The following SETX variants were observed in gnomAD, a reference collection of about 807,000 sequenced individuals.
SETX encodes the protein senataxin.
A neutral mutation model predicts 227.2 loss-of-function variants in SETX; 90 were observed. The observed-to-expected ratio is 0.40, with a 90% confidence interval of 0.33 to 0.47. The LOEUF (loss-of-function observed/expected upper bound fraction) is 0.47, where lower values mean the gene tolerates loss of function less well. Ranked by LOEUF, SETX falls within the 20% of genes least tolerant of loss-of-function variation. The probability of loss-of-function intolerance (pLI) is 0.91; values close to 1 mark genes in which losing one functional copy is unlikely to be tolerated. For missense variants in SETX, 3,052 were observed against 3,181.5 expected (o/e 0.96, Z 0.98); for synonymous variants, 1,210 against 1,113.2 (o/e 1.09, Z -1.73).
At chr9:132,355,345 TTTC>T (rs147942675), upstream of SETX, among the ~76,000 whole-genome samples, 9,205 of 152,214 alleles carry the variant, frequency 0.06, 387 homozygotes, top group East Asian at 0.25. Flanking sequence ...TTCCCTCTTT[TTTC>T]TTCTTTTTTC....
chr9:132,349,650 T>C (rs1848502405), intron 2 of SETX, among the ~76,000 whole-genome samples: 1 of 152,138 alleles, frequency 6.6e-6, no homozygotes, highest in African/African-American at 2.4e-5. Context: ...AATAAAAGCA[T>C]TGTATAAGGA....
chr9:132,281,421 A>G, intron 20 of SETX, 46 bp downstream of exon 20: 1 of 1,449,804 alleles, frequency 6.9e-7, no homozygotes, highest in Non-Finnish European at 9.7e-7. Flanking sequence ...CAAAAATTTT[A>G]AAAAGCCCCT....
chr9:132,320,593 C>CAAAAA (rs141457619), intron 10 of SETX, among the ~76,000 whole-genome samples: 26 of 61,030 alleles, frequency 4.3e-4, no homozygotes, highest in Middle Eastern at 0.013. Flanking sequence ...GACTCCAACT[C>CAAAAA]AAAAAAAAAA....
chr9:132,343,801 T>C (rs1342959429), intron 4 of SETX, among the ~76,000 whole-genome samples: 3 of 152,236 alleles, frequency 2.0e-5, no homozygotes, highest in Non-Finnish European at 4.4e-5. Context: ...ACGGATAGAT[T>C]ATTCTTTAAT....
At chr9:132,284,885 T>C (rs1843752163) in intron 18 of SETX, among the ~76,000 whole-genome samples, 1 of 145,222 alleles carries the variant, frequency 6.9e-6, no homozygotes, top group East Asian at 2.0e-4. Context: ...TTTTTTGTTG[T>C]TTTTTTTTTT....
intron 11 of SETX, among the ~76,000 whole-genome samples, chr9:132,305,861 T>C (rs769483922): frequency 1.3e-5 from 2 of 152,166 alleles, no homozygotes; most frequent in Admixed American, 1.3e-4. Context: ...TGGTATAATA[T>C]GAATAAGGTC....
intron 16 of SETX, 65 bp downstream of exon 16, chr9:132,288,485 G>A (rs2131247313): frequency 6.9e-7 from 1 of 1,459,036 alleles, no homozygotes; most frequent in South Asian, 1.2e-5. Flanking sequence ...TACCTTTAGT[G>A]CCCAAGTCAT....
intron 23 of SETX, among the ~76,000 whole-genome samples, chr9:132,272,173 T>G (rs1222538985): frequency 6.6e-6 from 1 of 151,998 alleles, no homozygotes; most frequent in African/African-American, 2.4e-5. Context: ...TCCGGCTTAG[T>G]TTTTTGGTTT....
intron 25 of SETX, 52 bp from the exon 26 acceptor site, chr9:132,265,037 G>A: frequency 6.3e-7 from 1 of 1,598,788 alleles, no homozygotes; most frequent in Non-Finnish European, 8.5e-7. Flanking sequence ...GACACTGCTT[G>A]GGAAGCATAG....
rs1456152621 is a variant in SETX at position 132,327,273 on chromosome 9, C to T, written c.4325G>A (p.Cys1442Tyr). 1.2e-6 allele frequency: 2 copies of T among 1,614,202 alleles called. No individual in the cohort carries two copies. The highest frequency in any genetic ancestry group is 1.7e-6 in the Non-Finnish European group (2 of 1,180,042). Reference sequence around the variant, plus strand: ...TGTTCCATTTAACACTACAGAATCACACTGGTTCAAAGGGCAAGCATCATC... The same window carrying T: ...TGTTCCATTTAACACTACAGAATCATACTGGTTCAAAGGGCAAGCATCATC... ...ATDDACPLNQ[C>Y]DSVVLNGTVP... Residue 1442 changes from cysteine to tyrosine, a missense_variant, in exon 10 of 26, where the codon TGT becomes TAT. Around this residue, in one of 10 missense-constraint regions of SETX, gnomAD observed 1,483 missense variants for 1,312.0 expected, o/e 1.13. Coordinates refer to ENST00000224140, the MANE Select transcript of SETX (RefSeq NM_015046.7).
chr9:132,286,132 A>G (rs1843868260), intron 18 of SETX, among the ~76,000 whole-genome samples: 1 of 150,796 alleles, frequency 6.6e-6, no homozygotes, highest in African/African-American at 2.4e-5. Flanking sequence ...GCAGTGAGCC[A>G]AGATCACGCC....
rs759876246 is a variant in SETX at position 132,328,676 on chromosome 9, A to G, written c.2922T>C (p.Ile974=). 1.5e-5 allele frequency: 25 copies of G among 1,613,628 alleles called. No individual in the cohort carries two copies. The highest frequency in any genetic ancestry group is 2.0e-5 in the Non-Finnish European group (24 of 1,179,826). ...TCTGAGGTGAATCGGATGGGAACGT[A>G]ATAACACTGGCTTGAGCTAGTAAAG... ...KLSLLAQASV[I]TFPSDSPQNS... Residue 974 remains isoleucine, a synonymous_variant, in exon 10 of 26, where the codon ATT becomes ATC. Transcript: ENST00000224140.
chr9:132,320,403 G>A (rs890670684), intron 10 of SETX, among the ~76,000 whole-genome samples: 5 of 151,916 alleles, frequency 3.3e-5, no homozygotes, highest in African/African-American at 9.7e-5. Flanking sequence ...GTGAAACCCC[G>A]TCGCTACTAA....
At chr9:132,335,314 C>T (rs566874393) in intron 6 of SETX, among the ~76,000 whole-genome samples, 6 of 142,854 alleles carry the variant, frequency 4.2e-5, no homozygotes, top group African/African-American at 1.5e-4. Flanking sequence ...TGGCGTGAAC[C>T]CAGGAGGCGG....
chr9:132,267,745 C>CT (rs1033860702), intron 25 of SETX, among the ~76,000 whole-genome samples: 16 of 152,216 alleles, frequency 1.1e-4, no homozygotes, highest in Admixed American at 7.2e-4. Context: ...CTCCCAAACA[C>CT]TGTCTAAACG....
rs1200170763 is a variant in SETX at position 132,342,890 on chromosome 9, T to TA, written c.389-92dup. ...CTCCTTGGGCTATTCTGTAAATAAA[T>TA]AAAAATTTGCTTTTTATTTTTCCAA... On this transcript the variant is annotated intron_variant, in intron 4 of 25. Transcript: ENST00000224140. 8.2e-6 allele frequency: 8 copies of TA among 974,728 alleles called. No individual in the cohort carries two copies. The East Asian group carries it at 2.0e-4, about 24-fold the overall frequency. The allele number at this position is 974,728 out of a possible 1,614,324, so 60.4% of individuals were successfully genotyped here.
chr9:132,283,996 C>G (rs1843687435), intron 18 of SETX, among the ~76,000 whole-genome samples: 1 of 152,226 alleles, frequency 6.6e-6, no homozygotes, highest in South Asian at 2.1e-4. Context: ...CACACCTACA[C>G]TGCTCAGTCA....
At chr9:132,351,899 T>C (rs1848623312) in intron 2 of SETX, among the ~76,000 whole-genome samples, 1 of 152,174 alleles carries the variant, frequency 6.6e-6, no homozygotes, top group Admixed American at 6.5e-5. Context: ...TTAAAGCAAC[T>C]CTCTGAGCAC....
Position 132,346,324 on chromosome 9 carries a change from T to A in SETX, c.325A>T (p.Lys109Ter). The change falls in exon 4 of 26, where the codon AAG (lysine) becomes TAG (stop). Residue 109 changes from lysine to a stop codon, truncating the protein, a stop_gained. Coordinates refer to ENST00000224140, the MANE Select transcript of SETX (RefSeq NM_015046.7). LOFTEE classifies it high-confidence loss of function. ...ATTTCAAGAAGAGGAACTCGAAGCT[T>A]ATTTTCAAAGTCTTGCCCAGTGATG... ...FDITGQDFEN[K>*]LRVPLLEILK... 1 of 1,614,112 alleles carries A rather than the reference T, an allele frequency of 6.2e-7. No individual in the cohort carries two copies. The highest frequency in any genetic ancestry group is 8.5e-7 in the Non-Finnish European group (1 of 1,180,004).
Sources: allele counts gnomAD v4.1 joint callset (sites outside exome capture counted in the v4.1 genomes callset), GRCh38; gene constraint gnomAD v4.1.1; regional missense constraint gnomAD v4.1.1; transcripts MANE v1.5; gene names NCBI Gene and HGNC (gene_info 2026-07-23, HGNC 2026-07-21).